Variants in ADGRG4 observed in about 807,000 individuals in gnomAD.
The protein encoded by ADGRG4 is adhesion G protein-coupled receptor G4.
Under a neutral mutation model 126.2 loss-of-function variants are expected in ADGRG4, and 122 were observed. The observed-to-expected ratio is 0.97, with a 90% CI of 0.83 to 1.12. The LOEUF is 1.12. ADGRG4 is among the 50% of genes most tolerant of loss of function. The pLI, the probability that ADGRG4 is intolerant of heterozygous loss-of-function variation, is 0.00. For missense variants in ADGRG4, 2,481 were observed against 2,251.8 expected, an observed-to-expected ratio of 1.10 and a Z score of -2.06; for synonymous variants, 943 against 838.7, an observed-to-expected ratio of 1.12 and a Z score of -2.15.
chrX:136,356,157 C>T lies in ADGRG4; in HGVS notation c.6919C>T (p.Arg2307Ter), dbSNP rs376547734. The change falls in exon 9 of 26, where the codon CGA (arginine) becomes TGA (stop). Residue 2307 changes from arginine to a stop codon, truncating the protein, a stop_gained. Coordinates refer to ENST00000394143, the MANE Select transcript of ADGRG4 (RefSeq NM_153834.4). LOFTEE classifies it high-confidence loss of function. ...TTCAGAGGAAGAGATGGTCATGGAT[C>T]GAGCTATTGTAAGTAATTTTTCAAA... The part of the protein sequence containing the change: ...DISEEEMVMD[R>*]AILEQREGQE... The T allele has an allele frequency of 9.4e-6, 11 of 1,175,653 alleles. No individual in the cohort carries two copies. The highest frequency in any genetic ancestry group is 3.5e-5 in the African/African-American group (2 of 56,575).
intron 19 of ADGRG4, among the ~76,000 whole-genome samples, chrX:136,396,594 C>CAA (rs771100359): frequency 2.6e-4 from 15 of 57,366 alleles, no homozygotes; most frequent in African/African-American, 7.6e-4. Flanking sequence ...GAACCTGTCC[C>CAA]AAAAAAAAAA....
rs777622111 is a variant in ADGRG4 at position 136,359,472 on chromosome X, G to A, written c.7144+17G>A. 38 of 1,154,197 alleles carry A rather than the reference G, an allele frequency of 3.3e-5. No individual in the cohort carries two copies. The highest frequency in any genetic ancestry group is 4.4e-5 in the Non-Finnish European group (38 of 854,358). Reference sequence around the variant, plus strand: ...AAAAACTAGGTAATTTTTTTGGGGGGTGGATATTGCAGTATGAACTTACTT... The same window carrying A: ...AAAAACTAGGTAATTTTTTTGGGGGATGGATATTGCAGTATGAACTTACTT... On this transcript the variant is annotated intron_variant, in intron 11 of 25. Coordinates refer to ENST00000394143, the MANE Select transcript of ADGRG4 (RefSeq NM_153834.4).
chrX:136,323,577 AACACACAC>A (rs138686053), intron 5 of ADGRG4, among the ~76,000 whole-genome samples, 185 bp downstream of exon 5: 9 of 94,011 alleles, frequency 9.6e-5, no homozygotes, highest in African/African-American at 3.6e-4. Flanking sequence ...AGGATAGAAG[AACACACAC>A]ACACACACAC....
At chrX:136,362,920 C>T (rs925677916) in intron 12 of ADGRG4, among the ~76,000 whole-genome samples, 2 of 111,454 alleles carry the variant, frequency 1.8e-5, no homozygotes, top group African/African-American at 3.3e-5. Flanking sequence ...TGAAGCCCCA[C>T]CCTGTTTGTG....
Position 136,382,470 on chromosome X carries a change from C to T in ADGRG4, c.7777-5270C>T, listed in dbSNP as rs779767084. 1.2e-4 allele frequency among the ~76,000 whole-genome samples: 14 copies of T among 112,168 alleles called. No homozygotes were observed. The Admixed American group carries it at 1.3e-3, about 11-fold the overall frequency. On this transcript the variant is annotated intron_variant, in intron 15 of 25. Coordinates refer to ENST00000394143, the MANE Select transcript of ADGRG4 (RefSeq NM_153834.4). The stretch of plus-strand genomic sequence containing the variant: ...ATGTGGTCGTAGCTGGTATTGATGA[C>T]TACATTCTTCTGCTACCCATTCTCT...
intron 23 of ADGRG4, among the ~76,000 whole-genome samples, chrX:136,409,630 A>C (rs1786848657): frequency 9.0e-6 from 1 of 111,538 alleles, no homozygotes; most frequent in South Asian, 3.8e-4. Flanking sequence ...TTACACATGG[A>C]GATAAAACCC....
chrX:136,339,096 T>G (rs1222188705), intron 5 of ADGRG4, among the ~76,000 whole-genome samples: 1 of 111,167 alleles, frequency 9.0e-6, no homozygotes, highest in East Asian at 2.8e-4. Context: ...CAATGCCTCT[T>G]GACTTCCGCT....
chrX:136,367,965 G>T (rs2075170140), intron 13 of ADGRG4, among the ~76,000 whole-genome samples: 1 of 112,084 alleles, frequency 8.9e-6, no homozygotes, highest in Non-Finnish European at 1.9e-5. Context: ...AGGCTCTAGT[G>T]AAGTTGACTA....
Position 136,356,167 on chromosome X carries a change from T to C in ADGRG4, c.6927+2T>C. Reference sequence around the variant, plus strand: ...GAGATGGTCATGGATCGAGCTATTGTAAGTAATTTTTCAAAATGAATCTAC... The same window carrying C: ...GAGATGGTCATGGATCGAGCTATTGCAAGTAATTTTTCAAAATGAATCTAC... On this transcript the variant is annotated splice_donor_variant, in intron 9 of 25. Transcript: ENST00000394143. LOFTEE classifies it high-confidence loss of function. 8.6e-7 allele frequency: 1 copy of C among 1,165,898 alleles called. No individual in the cohort carries two copies. Among genetic ancestry groups the C allele is most frequent in the South Asian group, 1.9e-5 (1 of 52,721 alleles).
chrX:136,396,717 G>T (rs1157599505), intron 19 of ADGRG4, among the ~76,000 whole-genome samples: 4 of 108,794 alleles, frequency 3.7e-5, no homozygotes. Flanking sequence ...ATTTTCTTCT[G>T]AAATGTGAAT....
rs186070381 is a variant in ADGRG4, at chrX:136,314,581, T to A, written c.70+5734T>A. 8.9e-5 allele frequency among the ~76,000 whole-genome samples: 10 copies of A among 112,346 alleles called. No individual in the cohort carries two copies. The East Asian group carries it at 2.0e-3, about 22-fold the overall frequency. On this transcript the variant is annotated intron_variant, in intron 4 of 25. Coordinates refer to ENST00000394143, the MANE Select transcript of ADGRG4 (RefSeq NM_153834.4). ...TGGGACTAAGCTAAAAATGACTCTT[T>A]CTCAGAGAGGCCTTTCTTAACTATC... is the stretch of plus-strand genomic sequence containing the variant.
At chrX:136,375,738 A>AT (rs898418847) in intron 15 of ADGRG4, among the ~76,000 whole-genome samples, 10 of 110,440 alleles carry the variant, frequency 9.1e-5, no homozygotes, top group African/African-American at 3.0e-4. Flanking sequence ...GGATCCTTTG[A>AT]TTTTTTCTTG....
At chrX:136,335,909 A>T (rs2074945746) in intron 5 of ADGRG4, among the ~76,000 whole-genome samples, 1 of 107,147 alleles carries the variant, frequency 9.3e-6, no homozygotes. Context: ...CCTGCTTTGG[A>T]TTTATCTTGG....
At chrX:136,360,337 T>G (rs2075120174) in intron 11 of ADGRG4, among the ~76,000 whole-genome samples, 1 of 110,658 alleles carries the variant, frequency 9.0e-6, no homozygotes, top group Non-Finnish European at 1.9e-5. Context: ...CAGAAAAAAA[T>G]GGGAACTTAT....
intron 8 of ADGRG4, 100 bp from the exon 9 acceptor site, chrX:136,356,026 C>A: frequency 2.0e-6 from 1 of 512,058 alleles, no homozygotes; most frequent in South Asian, 5.1e-5. Context: ...TGGGAGAAGT[C>A]TACTGTTCTG....
intron 5 of ADGRG4, among the ~76,000 whole-genome samples, chrX:136,343,703 C>G (rs977940795): frequency 1.8e-5 from 2 of 112,150 alleles, no homozygotes; most frequent in African/African-American, 6.5e-5. Flanking sequence ...GTTTAAATGA[C>G]TGATAGAAGT....
At chrX:136,311,112 C>T (rs1187683168) in intron 4 of ADGRG4, among the ~76,000 whole-genome samples, 1 of 110,444 alleles carries the variant, frequency 9.1e-6, no homozygotes, top group African/African-American at 3.3e-5. Flanking sequence ...GAGAGCTCTG[C>T]TTTCTTCCTC....
intron 15 of ADGRG4, among the ~76,000 whole-genome samples, chrX:136,376,628 G>GTATTGTATTT (rs1211009529): frequency 0.19 from 5,262 of 27,937 alleles, 316 homozygotes; most frequent in African/African-American, 0.51. Context: ...ATATTCCTGG[G>GTATTGTATTT]TATTGTATTG....
rs1276313418 is a variant in ADGRG4 at position 136,399,835 on chromosome X, CT to C, written c.8307-10del. The C allele has an allele frequency of 2.5e-6, 3 of 1,183,974 alleles. No individual in the cohort carries two copies. The Admixed American group carries it at 6.7e-5, about 26-fold the overall frequency. On this transcript the variant is annotated splice_polypyrimidine_tract_variant and intron_variant, in intron 20 of 25. Coordinates refer to ENST00000394143, the MANE Select transcript of ADGRG4 (RefSeq NM_153834.4). The stretch of plus-strand genomic sequence containing the variant: ...ACAGACTTTACCTAACAACATTGTA[CT>C]TTCTCTTTTAGCAAACTTCGAAAAG...
Sources: gnomAD v4.1 joint callset for allele counts (sites outside exome capture counted in the v4.1 genomes callset) on GRCh38, gnomAD v4.1.1 for gene constraint, MANE v1.5 for transcripts, NCBI Gene and HGNC (gene_info 2026-07-23, HGNC 2026-07-21) for gene names.